Variants in GRM8 observed in about 807,000 individuals in gnomAD.
GRM8 encodes metabotropic glutamate receptor 8.
Under a neutral mutation model 87.2 loss-of-function variants are expected in GRM8, and 47 were observed. The ratio of observed to expected loss-of-function variants is 0.54; its 90% CI spans 0.43 to 0.69. GRM8 has a LOEUF of 0.69. Among genes scored for constraint, GRM8 ranks in the 30% least tolerant of loss-of-function variants. GRM8 has a pLI of 0.00. For synonymous variants in GRM8, 396 were observed against 404.5 expected, an observed-to-expected ratio of 0.98 and a Z score of 0.25; for missense variants, 1,019 against 1,139.2, an observed-to-expected ratio of 0.89 and a Z score of 1.52.
chr7:126,473,841 G>C (rs767632121), intron 9 of GRM8, among the ~76,000 whole-genome samples: 1 of 152,006 alleles, frequency 6.6e-6, no homozygotes, highest in Non-Finnish European at 1.5e-5. Flanking sequence ...AGATCTGATG[G>C]TTTTATAAAG....
chr7:127,155,921 C>A (rs1480824201), intron 2 of GRM8, among the ~76,000 whole-genome samples: 1 of 152,132 alleles, frequency 6.6e-6, no homozygotes, highest in Admixed American at 6.6e-5. Context: ...AAACTTGTGG[C>A]TCAGCACAGG....
chr7:126,865,752 T>A (rs780312963), intron 6 of GRM8, among the ~76,000 whole-genome samples: 24 of 152,250 alleles, frequency 1.6e-4, no homozygotes, highest in Non-Finnish European at 3.2e-4. Context: ...TGGTGTAACA[T>A]CTATGAGTAA....
At chr7:126,447,180 G>A (rs973272119) in intron 9 of GRM8, 2 of 150,180 alleles carry the variant, frequency 1.3e-5, no homozygotes, top group African/African-American at 5.0e-5. Context: ...CAAGCTAGAG[G>A]TTAAGAATCT....
chr7:126,506,588 T>C (rs1035391570), intron 9 of GRM8, among the ~76,000 whole-genome samples: 11 of 151,974 alleles, frequency 7.2e-5, no homozygotes, highest in African/African-American at 2.7e-4. Context: ...GAGACCAGTC[T>C]GGCCAACATG....
chr7:127,004,071 T>A (rs961249873), intron 3 of GRM8, among the ~76,000 whole-genome samples: 1 of 151,718 alleles, frequency 6.6e-6, no homozygotes, highest in Non-Finnish European at 1.5e-5. Flanking sequence ...TAATAAAAAG[T>A]ACTCAAACTA....
intron 7 of GRM8, among the ~76,000 whole-genome samples, chr7:126,752,635 A>T (rs1816553605): frequency 6.6e-6 from 1 of 152,130 alleles, no homozygotes; most frequent in Non-Finnish European, 1.5e-5. Flanking sequence ...CTAAAGAGCA[A>T]ATCATACTTT....
At chr7:126,724,834 G>T (rs973502914) in intron 7 of GRM8, among the ~76,000 whole-genome samples, 1 of 151,708 alleles carries the variant, frequency 6.6e-6, no homozygotes, top group African/African-American at 2.4e-5. Context: ...ATTTTAAGCA[G>T]TACTTTAAAA....
At chr7:126,786,994 T>C (rs1325487967) in intron 6 of GRM8, among the ~76,000 whole-genome samples, 6 of 152,200 alleles carry the variant, frequency 3.9e-5, no homozygotes, top group African/African-American at 9.7e-5. Flanking sequence ...TGCACCCATG[T>C]GTAGTACACA....
chr7:126,473,827 C>A (rs1805586285), intron 9 of GRM8, among the ~76,000 whole-genome samples: 3 of 152,044 alleles, frequency 2.0e-5, no homozygotes, highest in African/African-American at 7.2e-5. Context: ...GAATATGTCT[C>A]ATGAGATCTG....
At chr7:127,164,908 C>A (rs1793341189) in intron 2 of GRM8, among the ~76,000 whole-genome samples, 2 of 151,800 alleles carry the variant, frequency 1.3e-5, no homozygotes, top group South Asian at 4.2e-4. Context: ...CAAAATGGGA[C>A]TAATAACAGT....
chr7:126,799,293 C>T (rs964931643), intron 6 of GRM8, among the ~76,000 whole-genome samples: 3 of 152,034 alleles, frequency 2.0e-5, no homozygotes, highest in African/African-American at 7.2e-5. Context: ...AGTGGAAACA[C>T]CTGGTACTAA....
chr7:126,811,725 CTT>C (rs1335022477), intron 6 of GRM8, among the ~76,000 whole-genome samples: 2 of 151,966 alleles, frequency 1.3e-5, no homozygotes, highest in African/African-American at 4.8e-5. Flanking sequence ...TACCCTGAAA[CTT>C]TACTGGATTC....
chr7:126,636,909 G>A (rs1207415772), intron 7 of GRM8, among the ~76,000 whole-genome samples: 1 of 151,484 alleles, frequency 6.6e-6, no homozygotes, highest in Non-Finnish European at 1.5e-5. Flanking sequence ...TTTAACTTTT[G>A]TTGCATGGAT....
intron 3 of GRM8, among the ~76,000 whole-genome samples, chr7:126,958,626 C>T (rs879282602): frequency 3.9e-5 from 6 of 152,104 alleles, no homozygotes; most frequent in Non-Finnish European, 8.8e-5. Flanking sequence ...AGACTGGTAG[C>T]GTGGGCCGAG....
chr7:126,985,012 C>A (rs1245977067), intron 3 of GRM8, among the ~76,000 whole-genome samples: 1 of 151,906 alleles, frequency 6.6e-6, no homozygotes, highest in African/African-American at 2.4e-5. Context: ...CCAATAAATT[C>A]TTCCACCACA....
chr7:126,934,157 C>G (rs1281413255), intron 3 of GRM8, among the ~76,000 whole-genome samples: 1 of 152,138 alleles, frequency 6.6e-6, no homozygotes, highest in East Asian at 1.9e-4. Context: ...ACTGTGCTAT[C>G]AAGATGCTTC....
intron 3 of GRM8, among the ~76,000 whole-genome samples, chr7:126,982,793 C>G (rs1811667800): frequency 6.6e-6 from 1 of 152,190 alleles, no homozygotes; most frequent in Non-Finnish European, 1.5e-5. Flanking sequence ...TCTGTATTCC[C>G]TTTGCCTTTA....
chr7:127,205,344 G>A (rs909066953), intron 2 of GRM8, among the ~76,000 whole-genome samples: 35 of 152,124 alleles, frequency 2.3e-4, no homozygotes, highest in African/African-American at 6.8e-4. Flanking sequence ...ACCAACATAC[G>A]AAAACAAATG....
At chr7:126,922,714 T>C (rs1449147692) in intron 3 of GRM8, among the ~76,000 whole-genome samples, 1 of 152,030 alleles carries the variant, frequency 6.6e-6, no homozygotes, top group East Asian at 1.9e-4. Context: ...ATGCTGGAGG[T>C]GGGGCCTGGT....
Sources: gnomAD v4.1 joint callset for allele counts (sites outside exome capture counted in the v4.1 genomes callset) on GRCh38, gnomAD v4.1.1 for gene constraint, MANE v1.5 for transcripts, NCBI Gene and HGNC (gene_info 2026-07-23, HGNC 2026-07-21) for gene names.